Variants in ETV7 observed in about 807,000 individuals in gnomAD.
The protein encoded by ETV7 is ETS variant transcription factor 7.
In ETV7, 43 loss-of-function variants were observed where a neutral mutation model predicts 39.1. That is an observed-to-expected ratio of 1.10 (90% CI 0.86 to 1.42). The LOEUF is 1.42. ETV7 is among the 40% of genes most tolerant of loss of function. The probability of loss-of-function intolerance (pLI) is 0.00; values close to 1 mark genes in which losing one functional copy is unlikely to be tolerated. For missense variants in ETV7, 432 were observed against 442.3 expected (o/e 0.98, Z 0.21); for synonymous variants, 196 against 176.6 (o/e 1.11, Z -0.87).
chr6:36,354,977 G>C (rs1772301108), intron 7 of ETV7, among the ~76,000 whole-genome samples: 1 of 152,170 alleles, frequency 6.6e-6, no homozygotes. Context: ...GACTTTTGTA[G>C]GTTAGTCTTG....
chr6:36,365,652 A>C (rs1341914978), downstream of ETV7, among the ~76,000 whole-genome samples: 1 of 152,140 alleles, frequency 6.6e-6, no homozygotes, highest in Non-Finnish European at 1.5e-5. Context: ...TATTCAGTGA[A>C]GATGCCAAGA....
At chr6:36,380,114 T>C (rs1367234119) in intron 2 of ETV7, among the ~76,000 whole-genome samples, 1 of 152,126 alleles carries the variant, frequency 6.6e-6, no homozygotes, top group East Asian at 1.9e-4. Flanking sequence ...CATAGAGCTA[T>C]AAATGTCAAT....
intron 6 of ETV7, among the ~76,000 whole-genome samples, chr6:36,367,476 AAAGG>A (rs959462996): frequency 2.2e-4 from 33 of 151,918 alleles, no homozygotes; most frequent in East Asian, 5.8e-4. Context: ...AAGGAAGGCG[AAAGG>A]AAGGAAGGAA....
downstream of ETV7, among the ~76,000 whole-genome samples, chr6:36,363,615 C>G (rs1055103611): frequency 6.6e-6 from 1 of 152,226 alleles, no homozygotes; most frequent in Non-Finnish European, 1.5e-5. Flanking sequence ...GGGACCAGAA[C>G]GGGTTGCCAC....
intron 2 of ETV7, among the ~76,000 whole-genome samples, chr6:36,384,821 G>A (rs1204012994): frequency 6.6e-6 from 1 of 151,954 alleles, no homozygotes; most frequent in Non-Finnish European, 1.5e-5. Context: ...CCAGGGAGGC[G>A]GAGGTTGCAG....
At chr6:36,386,275 C>CCTGGG (rs1475615296) in intron 1 of ETV7, among the ~76,000 whole-genome samples, 2 of 152,294 alleles carry the variant, frequency 1.3e-5, no homozygotes, top group African/African-American at 4.8e-5. Flanking sequence ...TTGGAGTGAG[C>CCTGGG]CAAGATCACG....
intron 6 of ETV7, among the ~76,000 whole-genome samples, chr6:36,367,474 C>T (rs1003688812): frequency 1.3e-5 from 2 of 150,024 alleles, no homozygotes; most frequent in Middle Eastern, 3.2e-3. Flanking sequence ...GGAAGGAAGG[C>T]GAAAGGAAGG....
Position 36,371,449 on chromosome 6 carries a change from C to T in ETV7, c.545G>A (p.Trp182Ter). The change falls in exon 5 of 8, where the codon TGG becomes TAG. Residue 182 changes from tryptophan (W) to a stop codon, truncating the protein, a stop_gained. Coordinates refer to ENST00000340181, the MANE Select transcript of ETV7 (RefSeq NM_016135.4). LOFTEE classifies it high-confidence loss of function. The part of the protein sequence containing the change: ...GHLDDPGLAR[W>*]TPGKEESLNL... ...GAGGGACTCCTCCTTGCCAGGGGTC[C>T]ACCTTGCCAGGCCAGGGTCATCCAG... 6.2e-7 allele frequency: 1 copy of T among 1,601,160 alleles called. No homozygotes were observed. The highest frequency in any genetic ancestry group is 8.5e-7 in the Non-Finnish European group (1 of 1,173,384).
chr6:36,375,206 C>A (rs1773256455), intron 3 of ETV7, among the ~76,000 whole-genome samples: 1 of 152,038 alleles, frequency 6.6e-6, no homozygotes. Flanking sequence ...AGACAAGGAA[C>A]ACAGAAAACA....
Position 36,371,342 on chromosome 6 carries a change from C to T in ETV7, c.652G>A (p.Gly218Ser), listed in dbSNP as rs1045475179. The part of the protein sequence containing the change: ...FPAMPQAPID[G>S]RIADCRLLWD... Reference sequence around the variant, plus strand: ...GCCTCCCACTCACCAGCGATCCTGCCGTCAATGGGGGCCTGCGGCATCGCG... The same window carrying T: ...GCCTCCCACTCACCAGCGATCCTGCTGTCAATGGGGGCCTGCGGCATCGCG... The change falls in exon 5 of 8, where the codon GGC becomes AGC. Residue 218 changes from glycine to serine, a missense_variant. Physicochemically the swap from Gly to Ser is moderately conservative, Grantham distance 56. Coordinates refer to ENST00000340181, the MANE Select transcript of ETV7 (RefSeq NM_016135.4). 4.4e-6 allele frequency: 7 copies of T among 1,588,516 alleles called. No homozygotes were observed. In the South Asian group the frequency reaches 5.7e-5, roughly 13 times the overall value.
At chr6:36,361,470 G>A (rs942554638), downstream of ETV7, among the ~76,000 whole-genome samples, 2 of 152,232 alleles carry the variant, frequency 1.3e-5, no homozygotes, top group Non-Finnish European at 1.5e-5. Flanking sequence ...TGGGACCAGA[G>A]GAGGAAGCCA....
At chr6:36,382,478 C>CTGCAT (rs1453615336) in intron 2 of ETV7, among the ~76,000 whole-genome samples, 1 of 152,222 alleles carries the variant, frequency 6.6e-6, no homozygotes, top group Non-Finnish European at 1.5e-5. Flanking sequence ...GAACCAGCAT[C>CTGCAT]TGCATTTCAA....
intron 2 of ETV7, among the ~76,000 whole-genome samples, chr6:36,384,466 T>C (rs954042138): frequency 2.0e-5 from 3 of 152,318 alleles, no homozygotes; most frequent in South Asian, 4.1e-4. Context: ...ATTCAATAGA[T>C]ATTTAGTGAG....
chr6:36,359,988 G>T (rs1772443949), intron 7 of ETV7, among the ~76,000 whole-genome samples: 1 of 152,072 alleles, frequency 6.6e-6, no homozygotes, highest in Non-Finnish European at 1.5e-5. Flanking sequence ...CACCTCCCGG[G>T]TTCAAGTGAT....
chr6:36,387,406 T>G, intron 1 of ETV7, 130 bp downstream of exon 1: 2 of 1,302,440 alleles, frequency 1.5e-6, no homozygotes, highest in Non-Finnish European at 2.2e-6. Context: ...TTTAGGAATG[T>G]GTTGGAAAGA....
In ETV7 at chr6:36,366,678, C is replaced by T; in HGVS notation, c.993G>A (p.Glu331=). The T allele has an allele frequency of 6.2e-7, 1 of 1,614,154 alleles. No homozygotes were observed. Among genetic ancestry groups the T allele is most frequent in the Non-Finnish European group, 8.5e-7 (1 of 1,180,024 alleles). The change falls in exon 8 of 8, where the codon GAG becomes GAA. Residue 331 remains glutamate (E), a synonymous_variant. Transcript: ENST00000340181. ...PLESQEQDRI[E]FKDKRPEISP ...AGATTTCTGGCCTCTTGTCCTTGAA[C>T]TCTATTCTGTCCTGCTCCTGGCTCT...
intron 7 of ETV7, among the ~76,000 whole-genome samples, chr6:36,357,072 A>C (rs1772361262): frequency 6.6e-6 from 1 of 152,064 alleles, no homozygotes; most frequent in South Asian, 2.1e-4. Flanking sequence ...TTTTTTTTGG[A>C]TCCACAAGGA....
At chr6:36,361,478 C>CCAAGGAAGACTGTGG (rs1233414928), downstream of ETV7, among the ~76,000 whole-genome samples, 1 of 152,190 alleles carries the variant, frequency 6.6e-6, no homozygotes, top group Non-Finnish European at 1.5e-5. Context: ...GAGGAGGAAG[C>CCAAGGAAGACTGTGG]CAAGGAAGAC....
chr6:36,366,937 G>A lies in ETV7; in HGVS notation c.846C>T (p.Ala282=), dbSNP rs1486972785. The A allele has an allele frequency of 6.2e-7, 1 of 1,613,968 alleles. No individual in the cohort carries two copies. The highest frequency in any genetic ancestry group is 2.2e-5 in the East Asian group (1 of 44,870). ...VNMTYEKMSR[A]LRHYYKLNII... is the part of the protein sequence containing the mutation. ...TATTAAGCTTATAATAGTGGCGCAGGGCACGAGACATCTTCTCGTAGGTCA... is the reference window on the plus strand; with the variant it reads ...TATTAAGCTTATAATAGTGGCGCAGAGCACGAGACATCTTCTCGTAGGTCA... Residue 282 remains alanine (A), a synonymous_variant, in exon 7 of 8, where the codon GCC becomes GCT. Transcript: ENST00000340181.
Sources: allele counts gnomAD v4.1 joint callset (sites outside exome capture counted in the v4.1 genomes callset), GRCh38; gene constraint gnomAD v4.1.1; transcripts MANE v1.5; gene names NCBI Gene and HGNC (gene_info 2026-07-23, HGNC 2026-07-21).